Variants in DYRK1A observed in about 807,000 individuals in gnomAD.
The protein encoded by DYRK1A is dual specificity tyrosine phosphorylation regulated kinase 1A.
DYRK1A carries 9 observed loss-of-function variants against 79.7 expected under a neutral mutation model. That is an observed-to-expected ratio of 0.11 (90% CI 0.07 to 0.20). The LOEUF (loss-of-function observed/expected upper bound fraction) is 0.20. Ranked by LOEUF, DYRK1A falls within the 10% of genes least tolerant of loss-of-function variation. The pLI is 1.00. For missense variants in DYRK1A, 622 were observed against 956.0 expected, an observed-to-expected ratio of 0.65 and a Z score of 4.61; for synonymous variants, 349 against 329.7, an observed-to-expected ratio of 1.06 and a Z score of -0.63.
At chr21:37,452,647 A>G (rs924749910) in intron 2 of DYRK1A, among the ~76,000 whole-genome samples, 1 of 151,364 alleles carries the variant, frequency 6.6e-6, no homozygotes, top group Non-Finnish European at 1.5e-5. Context: ...GTCATAGGAG[A>G]TGGGGAGGGG....
At chr21:37,409,110 C>T (rs1207283176) in intron 1 of DYRK1A, among the ~76,000 whole-genome samples, 3 of 152,106 alleles carry the variant, frequency 2.0e-5, no homozygotes, top group Admixed American at 6.5e-5. Flanking sequence ...GTAGCCTTAG[C>T]AAAAGAGTGG....
Position 37,523,934 on chromosome 21 carries a change from A to G in DYRK1A, c.*11403A>G, listed in dbSNP as rs1325774222. ...TCATTTTGCCCTGCCGCTCTGTGCAATGTAAATTGCAGTGACACAGTTATA... is the reference window on the plus strand; with the variant it reads ...TCATTTTGCCCTGCCGCTCTGTGCAGTGTAAATTGCAGTGACACAGTTATA... On this transcript the variant is annotated 3_prime_UTR_variant, in exon 12 of 12. Coordinates refer to ENST00000647188, the MANE Select transcript of DYRK1A (RefSeq NM_001347721.2). 1 of 152,226 alleles carries G rather than the reference A, an allele frequency of 6.6e-6. No homozygotes were observed. The highest frequency in any genetic ancestry group is 2.4e-5 in the African/African-American group (1 of 41,458). 9.4% of individuals were successfully genotyped at this position (152,226 alleles called of 1,614,324 possible). A position where few individuals can be genotyped will look rare whatever the true frequency, so the allele number is the denominator to read the frequency against.
At chr21:37,479,737 C>T (rs1320261658) in intron 4 of DYRK1A, among the ~76,000 whole-genome samples, 2 of 149,016 alleles carry the variant, frequency 1.3e-5, no homozygotes, top group Non-Finnish European at 3.0e-5. Flanking sequence ...ATACCTTTCT[C>T]CTGCCTCAGC....
chr21:37,495,394 A>G (rs1257000902), intron 8 of DYRK1A, among the ~76,000 whole-genome samples: 1 of 152,130 alleles, frequency 6.6e-6, no homozygotes, highest in Non-Finnish European at 1.5e-5. Flanking sequence ...ACGGTGGCTC[A>G]CACCTGTAAT....
intron 1 of DYRK1A, among the ~76,000 whole-genome samples, chr21:37,377,687 T>C (rs1374898819): frequency 6.6e-6 from 1 of 152,202 alleles, no homozygotes; most frequent in Non-Finnish European, 1.5e-5. Flanking sequence ...TAGGCTGGTC[T>C]TGAACTCCTG....
chr21:37,397,171 TG>T (rs749721638), intron 1 of DYRK1A, among the ~76,000 whole-genome samples: 4 of 152,150 alleles, frequency 2.6e-5, no homozygotes, highest in Non-Finnish European at 5.9e-5. Context: ...CAAGGGAGCC[TG>T]GGAGGTATAA....
At chr21:37,380,720 T>C (rs1231395753) in intron 1 of DYRK1A, among the ~76,000 whole-genome samples, 2 of 151,378 alleles carry the variant, frequency 1.3e-5, no homozygotes, top group African/African-American at 4.9e-5. Context: ...AAGAATTGTC[T>C]CTCCTAAAAA....
At chr21:37,417,747 T>C (rs1276771763) in intron 1 of DYRK1A, among the ~76,000 whole-genome samples, 1 of 151,182 alleles carries the variant, frequency 6.6e-6, no homozygotes, top group Admixed American at 6.6e-5. Context: ...TTAAGACAAC[T>C]AAAAAAAATG....
At chr21:37,483,371 G>A (rs1041293867) in intron 5 of DYRK1A, among the ~76,000 whole-genome samples, 1 of 152,154 alleles carries the variant, frequency 6.6e-6, no homozygotes, top group Non-Finnish European at 1.5e-5. Context: ...AAAAATAAAC[G>A]TGTAAGCAAA....
At position 37,442,747 on chromosome 21, in the gene DYRK1A, T is replaced by C. The variant is rs78653758; in HGVS notation, c.10+22363T>C. Reference sequence around the variant, plus strand: ...AGCCAGCATGCCTGAACTGTAGTTTTCATTTCTAGTTCAATTTGGGTGTCT... The same window carrying C: ...AGCCAGCATGCCTGAACTGTAGTTTCCATTTCTAGTTCAATTTGGGTGTCT... On this transcript the variant is annotated intron_variant, in intron 2 of 11. Transcript: ENST00000647188. Among the ~76,000 whole-genome samples, 1,385 of 152,218 alleles carry C rather than the reference T, an allele frequency of 9.1e-3. 19 individuals are homozygous for C. Among genetic ancestry groups the C allele is most frequent in the African/African-American group, 0.032 (1,329 of 41,532 alleles).
chr21:37,441,528 T>G (rs1341360345), intron 2 of DYRK1A, among the ~76,000 whole-genome samples: 1 of 152,154 alleles, frequency 6.6e-6, no homozygotes, highest in Non-Finnish European at 1.5e-5. Flanking sequence ...TGATTTGATT[T>G]TCTTCCTTTT....
At chr21:37,425,268 A>C (rs2050586196) in intron 2 of DYRK1A, among the ~76,000 whole-genome samples, 1 of 152,194 alleles carries the variant, frequency 6.6e-6, no homozygotes, top group African/African-American at 2.4e-5. Context: ...ATGCAAAAAG[A>C]ATAATTTTTG....
chr21:37,464,002 C>A (rs2051939609), intron 2 of DYRK1A, among the ~76,000 whole-genome samples: 1 of 152,130 alleles, frequency 6.6e-6, no homozygotes, highest in Admixed American at 6.5e-5. Context: ...AATACTGTCA[C>A]AGGAATGGTC....
At chr21:37,429,049 A>G (rs1260173359) in intron 2 of DYRK1A, 1 of 152,222 alleles carries the variant, frequency 6.6e-6, no homozygotes, top group Non-Finnish European at 1.5e-5. Flanking sequence ...AAAAAAGTGT[A>G]GAGATCCATA....
chr21:37,408,931 T>TA (rs1418515430), intron 1 of DYRK1A, among the ~76,000 whole-genome samples: 1 of 152,204 alleles, frequency 6.6e-6, no homozygotes, highest in African/African-American at 2.4e-5. Context: ...TGCATGCAGT[T>TA]ACCTGCAGTT....
At chr21:37,442,284 G>C (rs2051131264) in intron 2 of DYRK1A, among the ~76,000 whole-genome samples, 1 of 151,974 alleles carries the variant, frequency 6.6e-6, no homozygotes, top group Non-Finnish European at 1.5e-5. Flanking sequence ...TTGACCATTA[G>C]TTTTTCAAAA....
rs539075321 is a variant in DYRK1A at position 37,446,348 on chromosome 21, A to G, written c.10+25964A>G. 5.1e-4 allele frequency among the ~76,000 whole-genome samples: 77 copies of G among 152,324 alleles called. 1 individual carries two copies. Among genetic ancestry groups the G allele is most frequent in the Non-Finnish European group, 5.9e-5 (4 of 68,030 alleles). The stretch of plus-strand genomic sequence containing the variant: ...TTGAACTAAATGCATTACTATTAAG[A>G]TAAATACTGTAGTGGATGCAACTCT... On this transcript the variant is annotated intron_variant, in intron 2 of 11. Transcript: ENST00000647188.
chr21:37,465,860 C>T (rs2052007967), intron 2 of DYRK1A, among the ~76,000 whole-genome samples: 1 of 152,068 alleles, frequency 6.6e-6, no homozygotes, highest in African/African-American at 2.4e-5. Context: ...GAAATGTTGA[C>T]TTTCAAGCTC....
chr21:37,458,406 C>G (rs1344539110), intron 2 of DYRK1A, among the ~76,000 whole-genome samples: 2 of 151,710 alleles, frequency 1.3e-5, no homozygotes, highest in African/African-American at 4.8e-5. Context: ...CTTTAACCAC[C>G]ATTTATTAAA....
Sources: gnomAD v4.1 joint callset for allele counts (sites outside exome capture counted in the v4.1 genomes callset) on GRCh38, gnomAD v4.1.1 for gene constraint, MANE v1.5 for transcripts, NCBI Gene and HGNC (gene_info 2026-07-23, HGNC 2026-07-21) for gene names.